The following SHC3 variants were observed in gnomAD, a reference collection of about 807,000 sequenced individuals.
SHC3 encodes SHC adaptor protein 3.
SHC3 carries 15 observed loss-of-function variants against 60.4 expected under a neutral mutation model. That is an observed-to-expected ratio of 0.25 (90% CI 0.17 to 0.38). The LOEUF (loss-of-function observed/expected upper bound fraction) is 0.38, where lower values mean the gene tolerates loss of function less well. Among genes scored for constraint, SHC3 ranks in the 10% least tolerant of loss-of-function variants. The pLI is 1.00. For missense variants in SHC3, 677 were observed against 786.1 expected (o/e 0.86, Z 1.66); for synonymous variants, 294 against 325.9 (o/e 0.90, Z 1.05).
chr9:89,134,609 T>G (rs1262216188), intron 1 of SHC3, among the ~76,000 whole-genome samples: 1 of 152,092 alleles, frequency 6.6e-6, no homozygotes, highest in Non-Finnish European at 1.5e-5. Flanking sequence ...TCCTTGTCAA[T>G]TGTGACTTTA....
chr9:89,094,412 G>A (rs1825669688), intron 2 of SHC3, among the ~76,000 whole-genome samples: 1 of 152,168 alleles, frequency 6.6e-6, no homozygotes, highest in Admixed American at 6.5e-5. Flanking sequence ...CCTAAGGCTG[G>A]GTGGAAGGAA....
intron 1 of SHC3, among the ~76,000 whole-genome samples, chr9:89,165,223 GAAGAA>G (rs1397935071): frequency 6.6e-6 from 1 of 151,658 alleles, no homozygotes; most frequent in East Asian, 1.9e-4. Flanking sequence ...TAAAAGAAAA[GAAGAA>G]AAGATGAAAG....
chr9:89,056,766 G>A (rs945615480), intron 6 of SHC3, among the ~76,000 whole-genome samples: 1 of 152,234 alleles, frequency 6.6e-6, no homozygotes, highest in Non-Finnish European at 1.5e-5. Flanking sequence ...GATTAGAACT[G>A]TGAGCCAATG....
intron 8 of SHC3, 123 bp downstream of exon 8, chr9:89,046,721 T>A: frequency 8.5e-7 from 1 of 1,175,328 alleles, no homozygotes; most frequent in Non-Finnish European, 1.1e-6. Flanking sequence ...GAGAGAAAGC[T>A]CATGATTTAC....
At chr9:89,083,638 T>C (rs1390874261) in intron 2 of SHC3, among the ~76,000 whole-genome samples, 1 of 152,138 alleles carries the variant, frequency 6.6e-6, no homozygotes, top group Non-Finnish European at 1.5e-5. Context: ...CAGACTTGGA[T>C]GGTGAGAGTG....
chr9:89,130,825 C>G (rs532223649), intron 1 of SHC3, among the ~76,000 whole-genome samples: 2 of 152,114 alleles, frequency 1.3e-5, no homozygotes, highest in East Asian at 3.9e-4. Context: ...AAAATTGACA[C>G]CCTAACATCA....
At chr9:89,159,210 A>G (rs1365829284) in intron 1 of SHC3, among the ~76,000 whole-genome samples, 4 of 152,228 alleles carry the variant, frequency 2.6e-5, no homozygotes, top group Admixed American at 2.6e-4. Context: ...TAGGCACATG[A>G]ACTAAAGACC....
chr9:89,076,062 T>C (rs943628387), intron 3 of SHC3, among the ~76,000 whole-genome samples: 1 of 152,090 alleles, frequency 6.6e-6, no homozygotes, highest in Non-Finnish European at 1.5e-5. Flanking sequence ...AAAACAGAGA[T>C]GCTGAGGCCC....
At chr9:89,032,729 G>T (rs139220141) in intron 11 of SHC3, among the ~76,000 whole-genome samples, 1 of 152,198 alleles carries the variant, frequency 6.6e-6, no homozygotes, top group East Asian at 1.9e-4. Context: ...AGGCACAAAG[G>T]TTAGTATACT....
intron 1 of SHC3, among the ~76,000 whole-genome samples, chr9:89,155,939 A>G (rs1206245149): frequency 1.3e-5 from 2 of 152,180 alleles, no homozygotes. Context: ...ACTGTCAACC[A>G]GGGTATTTTT....
intron 2 of SHC3, among the ~76,000 whole-genome samples, chr9:89,108,749 A>G (rs558981265): frequency 6.6e-6 from 1 of 152,206 alleles, no homozygotes; most frequent in South Asian, 2.1e-4. Context: ...ATTTCCAAAT[A>G]TGAGACTCTT....
At chr9:89,121,045 A>G (rs1045914246) in intron 1 of SHC3, among the ~76,000 whole-genome samples, 4 of 152,178 alleles carry the variant, frequency 2.6e-5, no homozygotes, top group Admixed American at 6.5e-5. Context: ...TATTTTTGCA[A>G]GCATAAACAC....
intron 2 of SHC3, among the ~76,000 whole-genome samples, chr9:89,083,273 C>T (rs928555533): frequency 6.6e-6 from 1 of 152,210 alleles, no homozygotes; most frequent in African/African-American, 2.4e-5. Context: ...GTTACCTGGT[C>T]AGCAAAGAAG....
intron 2 of SHC3, among the ~76,000 whole-genome samples, chr9:89,094,907 G>A (rs188141938): frequency 8.5e-5 from 13 of 152,106 alleles, no homozygotes; most frequent in Non-Finnish European, 1.6e-4. Flanking sequence ...ACCACCTCAC[G>A]CCCATCAGAA....
Position 89,178,274 on chromosome 9 carries a change from T to G in SHC3, c.187A>C (p.Ser63Arg). ...ACCTTGTGGAGCAGGTGGCCCAGGC[T>G]GCCGGGCCCATCGTCGGGCGCCTTG... ...LRKAPDDGPG[S>R]LGHLLHKVSH... The change falls in exon 1 of 12, where the codon AGC becomes CGC. Residue 63 changes from serine (S) to arginine (R), a missense_variant. Ser to Arg is a moderately radical substitution (Grantham distance 110, BLOSUM62 -1). Coordinates refer to ENST00000375835, the MANE Select transcript of SHC3 (RefSeq NM_016848.6). The surrounding 1 kb of genome is among the most constrained non-coding windows in gnomAD (Gnocchi z 6.9). 1 of 1,549,868 alleles carries G rather than the reference T, an allele frequency of 6.5e-7. No homozygotes were observed. The highest frequency in any genetic ancestry group is 8.7e-7 in the Non-Finnish European group (1 of 1,150,030).
chr9:89,050,876 T>C (rs1824850757), intron 7 of SHC3, among the ~76,000 whole-genome samples: 1 of 151,730 alleles, frequency 6.6e-6, no homozygotes, highest in Non-Finnish European at 1.5e-5. Context: ...CATCCTCCTG[T>C]CCCAGCTTGC....
chr9:89,143,091 A>G (rs866298088), intron 1 of SHC3, among the ~76,000 whole-genome samples: 2 of 152,046 alleles, frequency 1.3e-5, no homozygotes, highest in South Asian at 4.2e-4. Context: ...GTTTGTTAAG[A>G]AAGTAAAGTA....
chr9:89,126,511 C>T (rs1826167768), intron 1 of SHC3, among the ~76,000 whole-genome samples: 1 of 152,088 alleles, frequency 6.6e-6, no homozygotes, highest in African/African-American at 2.4e-5. Flanking sequence ...TTTATTCTCC[C>T]CAAAAGGGGA....
At chr9:89,062,086 G>C (rs1825099699) in intron 6 of SHC3, among the ~76,000 whole-genome samples, 1 of 152,184 alleles carries the variant, frequency 6.6e-6, no homozygotes, top group African/African-American at 2.4e-5. Context: ...GCCTTCTGTA[G>C]GCAGTCGTAT....
Sources: allele counts gnomAD v4.1 joint callset (sites outside exome capture counted in the v4.1 genomes callset), GRCh38; gene constraint gnomAD v4.1.1; non-coding constraint Gnocchi (gnomAD v3.1); transcripts MANE v1.5; gene names NCBI Gene and HGNC (gene_info 2026-07-23, HGNC 2026-07-21).